The following SEMA3A variants were observed in gnomAD, a reference collection of about 807,000 sequenced individuals.
SEMA3A encodes the protein semaphorin 3A.
A neutral mutation model predicts 97.9 loss-of-function variants in SEMA3A; 29 were observed. That is an observed-to-expected ratio of 0.30 (90% confidence interval 0.22 to 0.40). The LOEUF (loss-of-function observed/expected upper bound fraction) is 0.40. Among genes scored for constraint, SEMA3A ranks in the 10% least tolerant of loss-of-function variants. The pLI is 1.00. For missense variants in SEMA3A, 763 were observed against 951.3 expected (o/e 0.80, Z 2.60); for synonymous variants, 321 against 323.7 (o/e 0.99, Z 0.09).
intron 6 of SEMA3A, among the ~76,000 whole-genome samples, chr7:84,042,920 C>T (rs189600249): frequency 2.4e-4 from 37 of 152,096 alleles, no homozygotes; most frequent in African/African-American, 8.9e-4. Context: ...ATGATAACAG[C>T]AGCATAAACT....
chr7:84,351,540 C>G (rs1024190645), intron 2 of SEMA3A, among the ~76,000 whole-genome samples: 4 of 151,478 alleles, frequency 2.6e-5, no homozygotes, highest in African/African-American at 9.7e-5. Context: ...ATCAAATAAT[C>G]AAATTCAAAA....
At chr7:84,076,835 C>T (rs540020846) in intron 4 of SEMA3A, among the ~76,000 whole-genome samples, 103 of 152,154 alleles carry the variant, frequency 6.8e-4, no homozygotes, top group African/African-American at 2.4e-3. Context: ...GATTTGCCCT[C>T]TTAAATTTAA....
intron 1 of SEMA3A, among the ~76,000 whole-genome samples, chr7:84,171,548 T>C (rs1797381768): frequency 1.3e-5 from 2 of 152,114 alleles, no homozygotes; most frequent in African/African-American, 4.8e-5. Context: ...AATAATAACA[T>C]AAAGGTCTCA....
intron 4 of SEMA3A, among the ~76,000 whole-genome samples, chr7:84,066,780 A>G (rs1005081221): frequency 6.6e-6 from 1 of 152,108 alleles, no homozygotes; most frequent in African/African-American, 2.4e-5. Flanking sequence ...GAGGATACAA[A>G]CAAATCGAAG....
intron 3 of SEMA3A, among the ~76,000 whole-genome samples, chr7:84,216,544 A>G (rs540005067): frequency 2.0e-5 from 3 of 152,228 alleles, no homozygotes; most frequent in South Asian, 2.1e-4. Context: ...TATTTTTTAG[A>G]TAGATTAAAA....
Position 83,956,873 on chromosome 7 carries a change from C to G in SEMA3A, c.*4498G>C, listed in dbSNP as rs1788295448. 1 of 152,074 alleles carries G rather than the reference C, an allele frequency of 6.6e-6. No individual in the cohort carries two copies. The highest frequency in any genetic ancestry group is 1.5e-5 in the Non-Finnish European group (1 of 67,986). The allele number at this position is 152,074 out of a possible 1,614,324, so 9.4% of individuals were successfully genotyped here. ...ATTCACAGCTGGAAAGTCACTTATT[C>G]TCTGAAGCACCCCATGATCTCTCTC... On this transcript the variant is annotated 3_prime_UTR_variant, in exon 17 of 17. Transcript: ENST00000265362.
chr7:84,301,719 G>A (rs1801021104), intron 3 of SEMA3A, among the ~76,000 whole-genome samples: 3 of 152,090 alleles, frequency 2.0e-5, no homozygotes, highest in Admixed American at 1.3e-4. Context: ...GTTCATAAAC[G>A]AATGTGCCTG....
rs139588726 is a variant in SEMA3A, at chr7:84,208,983, A to G, written c.-82-14315T>C. Among the ~76,000 whole-genome samples, 7 of 152,352 alleles carry G rather than the reference A, an allele frequency of 4.6e-5. No homozygotes were observed. In the East Asian group the frequency reaches 1.3e-3, roughly 29 times the overall value. On this transcript the variant is annotated intron_variant, in intron 3 of 3. Transcript: ENST00000424555. ...CATCTAAATAGAATGTTATTTTATAACAAATGGACTAGTGGCCTATTTACA... is the reference window on the plus strand; with the variant it reads ...CATCTAAATAGAATGTTATTTTATAGCAAATGGACTAGTGGCCTATTTACA...
At chr7:84,146,887 A>C (rs1393009388) in intron 1 of SEMA3A, among the ~76,000 whole-genome samples, 1 of 152,182 alleles carries the variant, frequency 6.6e-6, no homozygotes, top group East Asian at 1.9e-4. Flanking sequence ...CAGTCCACTG[A>C]TAAGTGCTCA....
intron 4 of SEMA3A, among the ~76,000 whole-genome samples, chr7:84,063,645 G>C (rs1033556293): frequency 2.6e-5 from 4 of 151,506 alleles, no homozygotes; most frequent in African/African-American, 9.7e-5. Flanking sequence ...GAGACGATGC[G>C]ATCAACTGGA....
intron 1 of SEMA3A, among the ~76,000 whole-genome samples, chr7:84,169,951 C>T (rs1472136675): frequency 1.3e-5 from 2 of 151,756 alleles, no homozygotes; most frequent in Non-Finnish European, 2.9e-5. Flanking sequence ...AACTCCTAGT[C>T]TATATTTATT....
rs531228216 is a variant in SEMA3A, at chr7:84,422,150, C to CT, written c.-245-50251dup. 3.0e-3 allele frequency among the ~76,000 whole-genome samples: 455 copies of CT among 151,564 alleles called. 3 individuals carry two copies. Among genetic ancestry groups the CT allele is most frequent in the African/African-American group, 0.01 (432 of 41,290 alleles). Reference sequence around the variant, plus strand: ...GGCTGTGAATCCGTCTGGTCCTGGGCTTTTTTTTGGTTGGTAGGCTATTAA... The same window carrying CT: ...GGCTGTGAATCCGTCTGGTCCTGGGCTTTTTTTTTGGTTGGTAGGCTATTAA... On this transcript the variant is annotated intron_variant, in intron 1 of 3. Coordinates refer to the SEMA3A transcript ENST00000424555.
chr7:84,080,967 T>G (rs1794130439), intron 4 of SEMA3A, among the ~76,000 whole-genome samples: 1 of 152,030 alleles, frequency 6.6e-6, no homozygotes, highest in South Asian at 2.1e-4. Context: ...TACAAAAATA[T>G]GAAAATAGTA....
chr7:84,192,766 A>C (rs1798089824), intron 1 of SEMA3A, among the ~76,000 whole-genome samples: 1 of 151,956 alleles, frequency 6.6e-6, no homozygotes, highest in Admixed American at 6.6e-5. Flanking sequence ...TAGCACTTAG[A>C]TATATTCAAG....
intron 1 of SEMA3A, among the ~76,000 whole-genome samples, chr7:84,387,959 A>C (rs1468570825): frequency 6.6e-6 from 1 of 152,122 alleles, no homozygotes; most frequent in East Asian, 1.9e-4. Flanking sequence ...TAAGTTTACC[A>C]CCTCTGCACA....
intron 1 of SEMA3A, among the ~76,000 whole-genome samples, chr7:84,405,153 T>A (rs540593433): frequency 1.5e-4 from 23 of 152,162 alleles, no homozygotes; most frequent in African/African-American, 5.3e-4. Flanking sequence ...GAAACCCATC[T>A]CAGGTGCAGA....
chr7:84,294,040 C>T (rs1800812016), intron 3 of SEMA3A, among the ~76,000 whole-genome samples: 1 of 152,008 alleles, frequency 6.6e-6, no homozygotes, highest in South Asian at 2.1e-4. Flanking sequence ...CACTTTCAAT[C>T]AAGGTAAAAT....
At position 83,983,221 on chromosome 7, in the gene SEMA3A, T is replaced by TTTTC. The variant is rs375603927; in HGVS notation, c.1495-1747_1495-1744dup. On this transcript the variant is annotated intron_variant, in intron 13 of 16. Coordinates refer to ENST00000265362, the MANE Select transcript of SEMA3A (RefSeq NM_006080.3). ...TTTCTTTCTCTTTCTTTCCTTTTCT[T>TTTTC]TTTCTTTCTTTCTTTCTTTTCTTTC... Among the ~76,000 whole-genome samples the TTTTC allele has an allele frequency of 1.2e-4, 14 of 117,868 alleles. 1 individual carries two copies. The South Asian group carries it at 1.2e-3, about 10-fold the overall frequency. 77.3% of individuals were successfully genotyped at this position (117,868 alleles called of 152,430 possible). A position where few individuals can be genotyped will look rare whatever the true frequency, so the allele number is the denominator to read the frequency against.
intron 12 of SEMA3A, among the ~76,000 whole-genome samples, chr7:83,994,394 G>A (rs1271995055): frequency 8.3e-6 from 1 of 119,894 alleles, no homozygotes; most frequent in Non-Finnish European, 1.7e-5. Flanking sequence ...GAGGTGCTCT[G>A]CTTTTTAGAG....
Sources: gnomAD v4.1 joint callset for allele counts (sites outside exome capture counted in the v4.1 genomes callset) on GRCh38, gnomAD v4.1.1 for gene constraint, MANE v1.5 for transcripts, NCBI Gene and HGNC (gene_info 2026-07-23, HGNC 2026-07-21) for gene names.